Variants in RBFOX1 observed in about 807,000 individuals in gnomAD.
RBFOX1 encodes the protein RNA binding fox-1 homolog 1, also known as RNA binding protein fox-1 homolog 1.
A neutral mutation model predicts 57.7 loss-of-function variants in RBFOX1; 8 were observed. The ratio of observed to expected loss-of-function variants is 0.14; its 90% confidence interval spans 0.08 to 0.25. The LOEUF is 0.25. Among genes scored for constraint, RBFOX1 ranks in the 10% least tolerant of loss-of-function variants. The pLI is 1.00. For synonymous variants in RBFOX1, 326 were observed against 222.4 expected (o/e 1.47, Z -4.15); for missense variants, 611 against 548.5 (o/e 1.11, Z -1.14).
chr16:7,307,142 T>C (rs1467906637), intron 4 of RBFOX1, among the ~76,000 whole-genome samples: 1 of 152,244 alleles, frequency 6.6e-6, no homozygotes, highest in Non-Finnish European at 1.5e-5. Flanking sequence ...TCAACCCACA[T>C]TGATCTTATT....
At chr16:6,789,220 C>G (rs1396994685) in intron 3 of RBFOX1, among the ~76,000 whole-genome samples, 1 of 152,056 alleles carries the variant, frequency 6.6e-6, no homozygotes, top group Admixed American at 6.6e-5. Context: ...ATGCACGTGA[C>G]AAGATGAATG....
In RBFOX1 at chr16:7,154,692, TG is replaced by T. The variant is rs1249335331; in HGVS notation, c.27+102595del. Among the ~76,000 whole-genome samples the T allele has an allele frequency of 1.8e-4, 3 of 16,258 alleles. No individual in the cohort carries two copies. In the East Asian group the frequency reaches 8.4e-3, roughly 45 times the overall value. 10.7% of individuals were successfully genotyped at this position (16,258 alleles called of 152,430 possible). ...TGGCTAGACCCTCTTCCTTTGTGTGTGTGTGTGTGTGTGTGTGTGTGTGTGT... is the reference window on the plus strand; with the variant it reads ...TGGCTAGACCCTCTTCCTTTGTGTGTTGTGTGTGTGTGTGTGTGTGTGTGT... On this transcript the variant is annotated intron_variant, in intron 4 of 15. Coordinates refer to ENST00000550418, the MANE Select transcript of RBFOX1 (RefSeq NM_018723.4).
intron 3 of RBFOX1, among the ~76,000 whole-genome samples, chr16:5,840,344 C>G (rs1490660609): frequency 1.3e-5 from 2 of 152,158 alleles, no homozygotes; most frequent in African/African-American, 2.4e-5. Flanking sequence ...GCTGGAAAAA[C>G]AAAGCCACAC....
At chr16:7,051,873 G>C (rs911016875) in intron 3 of RBFOX1, among the ~76,000 whole-genome samples, 184 bp from the exon 4 acceptor site, 1 of 152,096 alleles carries the variant, frequency 6.6e-6, no homozygotes, top group Non-Finnish European at 1.5e-5. Flanking sequence ...CTGTGCTTCT[G>C]AATCACACAA....
intron 14 of RBFOX1, among the ~76,000 whole-genome samples, chr16:7,680,488 G>A (rs183464988): frequency 3.9e-5 from 6 of 152,158 alleles, no homozygotes; most frequent in South Asian, 2.1e-4. Context: ...GATGCAGACC[G>A]CCTAGAGACG....
intron 3 of RBFOX1, among the ~76,000 whole-genome samples, chr16:6,710,970 C>T (rs902309005): frequency 6.6e-6 from 1 of 152,114 alleles, no homozygotes; most frequent in Non-Finnish European, 1.5e-5. Context: ...GTGCAATTCC[C>T]CAAAGAAGCT....
chr16:5,664,793 T>C (rs1408739897), intron 3 of RBFOX1, among the ~76,000 whole-genome samples: 1 of 152,172 alleles, frequency 6.6e-6, no homozygotes, highest in Non-Finnish European at 1.5e-5. Context: ...GGAGAGGTAA[T>C]GCTGCTCCTA....
chr16:7,034,534 G>C (rs1045678836), intron 3 of RBFOX1, among the ~76,000 whole-genome samples: 1 of 152,100 alleles, frequency 6.6e-6, no homozygotes, highest in South Asian at 2.1e-4. Context: ...TGGGAAGTGG[G>C]AAGAGGGGAT....
intron 4 of RBFOX1, among the ~76,000 whole-genome samples, chr16:7,094,947 A>T (rs2061461513): frequency 6.6e-6 from 1 of 152,120 alleles, no homozygotes; most frequent in South Asian, 2.1e-4. Context: ...TGTATCTGTA[A>T]ACATCTATTG....
At chr16:7,678,242 A>G (rs188792027) in intron 14 of RBFOX1, among the ~76,000 whole-genome samples, 1 of 152,312 alleles carries the variant, frequency 6.6e-6, no homozygotes, top group East Asian at 1.9e-4. Flanking sequence ...TTACCGAGTA[A>G]TCAGTTGCCA....
intron 5 of RBFOX1, among the ~76,000 whole-genome samples, chr16:7,564,513 C>T (rs1167670031): frequency 7.5e-6 from 1 of 133,268 alleles, no homozygotes; most frequent in African/African-American, 3.0e-5. Context: ...TGCACTCCAG[C>T]CTGGCTGACA....
Position 7,364,060 on chromosome 16 carries a change from C to G in RBFOX1, c.28-154087C>G, listed in dbSNP as rs1389829428. On this transcript the variant is annotated intron_variant, in intron 4 of 15. Transcript: ENST00000550418. ...GTAGAACAGCCAGTCAGCTTTGGGACTCCCAAGTCCTATTAAAGCTCACAT... is the reference window on the plus strand; with the variant it reads ...GTAGAACAGCCAGTCAGCTTTGGGAGTCCCAAGTCCTATTAAAGCTCACAT... Among the ~76,000 whole-genome samples the G allele has an allele frequency of 2.0e-5, 3 of 152,220 alleles. No individual in the cohort carries two copies. The East Asian group carries it at 5.8e-4, about 29-fold the overall frequency.
chr16:5,549,592 A>G (rs538530612), intron 2 of RBFOX1, among the ~76,000 whole-genome samples: 1 of 152,232 alleles, frequency 6.6e-6, no homozygotes, highest in African/African-American at 2.4e-5. Flanking sequence ...TATACTATGC[A>G]GAATTGCACA....
intron 4 of RBFOX1, among the ~76,000 whole-genome samples, chr16:5,987,896 A>T (rs2060312993): frequency 6.6e-6 from 1 of 152,142 alleles, no homozygotes. Context: ...CTGAAGTTAC[A>T]CTGTGACATG....
rs1202427356 is a variant in RBFOX1 at position 5,440,444 on chromosome 16, T to C, written c.220-26772T>C. On this transcript the variant is annotated intron_variant, in intron 1 of 2. Coordinates refer to the RBFOX1 transcript ENST00000585867. The stretch of plus-strand genomic sequence containing the variant: ...TGGTTGAAAAAAAATTTCCACGGTG[T>C]TGTTTTAGCCTCAGCCCAAAAGGAC... Among the ~76,000 whole-genome samples, 5 of 152,224 alleles carry C rather than the reference T, an allele frequency of 3.3e-5. No homozygotes were observed. In the East Asian group the frequency reaches 5.8e-4, roughly 18 times the overall value.
chr16:5,548,170 AAAAAAT>A (rs1239630486), intron 2 of RBFOX1, among the ~76,000 whole-genome samples: 227 of 40,702 alleles, frequency 5.6e-3, no homozygotes, highest in Middle Eastern at 0.03. Context: ...AAAAAAAAAA[AAAAAAT>A]ATATATATAT....
rs1448618782 is a variant in RBFOX1, at chr16:5,385,016, C to A, written c.220-82200C>A. On this transcript the variant is annotated intron_variant, in intron 1 of 2. Transcript: ENST00000585867. ...CCCCTCAGTGTTTTGAGGAAAACCACTTTCATAGGTCGTAATGGGTGTTAA... is the reference window on the plus strand; with the variant it reads ...CCCCTCAGTGTTTTGAGGAAAACCAATTTCATAGGTCGTAATGGGTGTTAA... 2.0e-5 allele frequency among the ~76,000 whole-genome samples: 3 copies of A among 152,152 alleles called. No homozygotes were observed. The East Asian group carries it at 5.8e-4, about 29-fold the overall frequency.
chr16:6,485,191 TAAA>T (rs2095449213), intron 2 of RBFOX1, among the ~76,000 whole-genome samples: 2 of 152,206 alleles, frequency 1.3e-5, no homozygotes, highest in African/African-American at 4.8e-5. Flanking sequence ...GCTTTTCATT[TAAA>T]AAGCAAGATT....
chr16:5,407,830 T>TGA (rs981448704), intron 1 of RBFOX1, among the ~76,000 whole-genome samples: 13 of 152,186 alleles, frequency 8.5e-5, no homozygotes, highest in African/African-American at 3.1e-4. Flanking sequence ...ATTACAGGCG[T>TGA]GAGCCACTGC....
Sources: allele counts gnomAD v4.1 joint callset (sites outside exome capture counted in the v4.1 genomes callset), GRCh38; gene constraint gnomAD v4.1.1; transcripts MANE v1.5; gene names NCBI Gene and HGNC (gene_info 2026-07-23, HGNC 2026-07-21).